Variants in FBN1 observed in about 807,000 individuals in gnomAD.
FBN1 encodes fibrillin-1.
FBN1 carries 29 observed loss-of-function variants against 365.1 expected under a neutral mutation model. The ratio of observed to expected loss-of-function variants is 0.08; its 90% confidence interval spans 0.06 to 0.11. The LOEUF (loss-of-function observed/expected upper bound fraction) is 0.11, where lower values mean the gene tolerates loss of function less well. FBN1 is among the 10% of genes least tolerant of loss of function. The pLI is 1.00. For missense variants in FBN1, 2,476 were observed against 3,703.2 expected (o/e 0.67, Z 8.60); for synonymous variants, 1,210 against 1,270.5 (o/e 0.95, Z 1.01).
At chr15:48,435,036 ATC>A (rs2043055291) in intron 53 of FBN1, among the ~76,000 whole-genome samples, 1 of 152,172 alleles carries the variant, frequency 6.6e-6, no homozygotes, top group Admixed American at 6.5e-5. Context: ...ACCTCAAGCA[ATC>A]TGCCCACCTC....
intron 50 of FBN1, among the ~76,000 whole-genome samples, chr15:48,438,651 T>A (rs2043090877): frequency 6.9e-6 from 1 of 145,138 alleles, no homozygotes; most frequent in Non-Finnish European, 1.5e-5. Flanking sequence ...AGGGCAGGGC[T>A]GTGGGTGGGT....
rs28435676 is a variant in FBN1 at position 48,528,475 on chromosome 15, T to C, written c.863-2220A>G. ...GACTGTGGGCCTGATTCTATACCTC[T>C]GGTGCCCAGGTACGCCTCTTGCATT... On this transcript the variant is annotated intron_variant, in intron 8 of 65. Transcript: ENST00000316623. Among the ~76,000 whole-genome samples the C allele has an allele frequency of 0.024, 3,651 of 152,332 alleles. 232 individuals carry two copies. The East Asian group carries it at 0.24, about 10-fold the overall frequency.
chr15:48,640,907 TG>T (rs1890186220), intron 2 of FBN1: 1 of 152,178 alleles, frequency 6.6e-6, no homozygotes, highest in African/African-American at 2.4e-5. Context: ...TTTTTTTTTT[TG>T]GACTGTCTCC....
At chr15:48,486,859 G>A (rs2043511305) in intron 29 of FBN1, among the ~76,000 whole-genome samples, 1 of 152,172 alleles carries the variant, frequency 6.6e-6, no homozygotes, top group South Asian at 2.1e-4. Context: ...TCTTTAAACA[G>A]ATAATGGAGA....
chr15:48,494,219 C>T lies in FBN1; in HGVS notation c.2713G>A (p.Gly905Arg), dbSNP rs756111066. The change falls in exon 23 of 66, where the codon GGA becomes AGA. Residue 905 changes from glycine (G) to arginine (R), a missense_variant. By Grantham distance (125) the Gly-to-Arg change is moderately radical. Around this residue, in one of 5 missense-constraint regions of FBN1, gnomAD observed 1,780 missense variants for 2,840.8 expected, o/e 0.63. Transcript: ENST00000316623. ...ICGKGYSRIK[G>R]TQCEDIDECE... ...TCAGAAATACCTTCACATTGTGTTC[C>T]TTTAATTCTTGAGTACCCTTTACCA... is the stretch of plus-strand genomic sequence containing the variant. 6 of 1,612,452 alleles carry T rather than the reference C, an allele frequency of 3.7e-6. No individual in the cohort carries two copies. The highest frequency in any genetic ancestry group is 5.1e-6 in the Non-Finnish European group (6 of 1,178,852).
At chr15:48,529,889 A>C (rs1398365573) in intron 8 of FBN1, among the ~76,000 whole-genome samples, 1 of 148,742 alleles carries the variant, frequency 6.7e-6, no homozygotes. Flanking sequence ...TGGAGTCTGA[A>C]TTCTTATCCA....
chr15:48,514,421 T>A (rs62011400), intron 12 of FBN1, among the ~76,000 whole-genome samples: 5 of 152,196 alleles, frequency 3.3e-5, no homozygotes, highest in Non-Finnish European at 5.9e-5. Context: ...ATCAGGAAAT[T>A]AAATAGTTTG....
At chr15:48,626,933 A>G (rs1379517072) in intron 2 of FBN1, among the ~76,000 whole-genome samples, 2 of 152,208 alleles carry the variant, frequency 1.3e-5, no homozygotes, top group Non-Finnish European at 2.9e-5. Context: ...AAACCCTATC[A>G]AGAAAATGTA....
intron 6 of FBN1, among the ~76,000 whole-genome samples, chr15:48,539,505 T>G (rs2141360591): frequency 6.6e-6 from 1 of 152,334 alleles, no homozygotes; most frequent in Admixed American, 6.5e-5. Context: ...ATATTAATTT[T>G]AATGTGTATT....
chr15:48,490,076 T>C lies in FBN1; in HGVS notation c.2857A>G (p.Ile953Val). Residue 953 changes from isoleucine to valine, a missense_variant and splice_region_variant, in exon 25 of 66, where the codon ATC becomes GTC. Physicochemically the swap from Ile to Val is conservative, Grantham distance 29 (BLOSUM62 3). This residue lies in a region of FBN1 where 1,780 missense variants were observed against 2,840.8 expected (regional missense o/e 0.63). Coordinates refer to ENST00000316623, the MANE Select transcript of FBN1 (RefSeq NM_000138.5). ...CTCAGGAAGCAGGTTTCCAGGCGGA[T>C]ATCTGTCAGAGGGAATCAAGGGAGG... ...LDATGRICLD[I>V]RLETCFLRYE... 1 of 1,614,100 alleles carries C rather than the reference T, an allele frequency of 6.2e-7. No homozygotes were observed. The highest frequency in any genetic ancestry group is 8.5e-7 in the Non-Finnish European group (1 of 1,179,978).
In FBN1 at chr15:48,596,425, C is replaced by T. The variant is rs190222439; in HGVS notation, c.443-47G>A. 192 of 1,538,014 alleles carry T rather than the reference C, an allele frequency of 1.2e-4. No individual in the cohort carries two copies. The East Asian group carries it at 4.0e-3, about 32-fold the overall frequency. On this transcript the variant is annotated intron_variant, in intron 5 of 65. Coordinates refer to ENST00000316623, the MANE Select transcript of FBN1 (RefSeq NM_000138.5). ...GAGACGCTTTACCTGAAAATAAATG[C>T]TAATGAAGTAACACTTGTGGTCCTC...
chr15:48,446,592 G>A, intron 47 of FBN1, 114 bp downstream of exon 47: 1 of 761,522 alleles, frequency 1.3e-6, no homozygotes, highest in South Asian at 1.4e-5. Context: ...CAATTGTTAT[G>A]CATAAGATAG....
intron 13 of FBN1, among the ~76,000 whole-genome samples, chr15:48,511,333 T>C (rs183601751): frequency 2.6e-5 from 4 of 152,296 alleles, no homozygotes; most frequent in Admixed American, 2.6e-4. Context: ...TACGATCTTT[T>C]TCTCTCTCGT....
At chr15:48,437,421 A>G (rs765264831) in intron 51 of FBN1, 34 bp from the exon 52 acceptor site, 25 of 1,511,526 alleles carry the variant, frequency 1.7e-5, no homozygotes, top group Middle Eastern at 1.7e-4. Flanking sequence ...AGATAGAACA[A>G]TAGCAATTCA....
At chr15:48,441,625 G>A in intron 50 of FBN1, 96 bp downstream of exon 50, 2 of 1,474,352 alleles carry the variant, frequency 1.4e-6, no homozygotes, top group Non-Finnish European at 1.9e-6. Context: ...CCATCTTCCT[G>A]TTCACAAAGA....
chr15:48,468,246 C>G, intron 37 of FBN1, 144 bp from the exon 38 acceptor site: 1 of 1,338,250 alleles, frequency 7.5e-7, no homozygotes, highest in Non-Finnish European at 1.1e-6. Flanking sequence ...TTATACACTA[C>G]CGAGAATTTT....
chr15:48,636,179 C>T (rs1303491023), intron 2 of FBN1, among the ~76,000 whole-genome samples: 1 of 152,162 alleles, frequency 6.6e-6, no homozygotes, highest in African/African-American at 2.4e-5. Context: ...CGATTCCAGG[C>T]TAAGTTTGAA....
At chr15:48,546,693 C>A (rs1003848490) in intron 6 of FBN1, among the ~76,000 whole-genome samples, 1 of 152,074 alleles carries the variant, frequency 6.6e-6, no homozygotes, top group Non-Finnish European at 1.5e-5. Flanking sequence ...GAAGTGTGCT[C>A]CTTTAAGGGC....
At chr15:48,576,957 T>G (rs2044352694) in intron 6 of FBN1, among the ~76,000 whole-genome samples, 1 of 152,184 alleles carries the variant, frequency 6.6e-6, no homozygotes, top group Non-Finnish European at 1.5e-5. Flanking sequence ...GCACCAAATT[T>G]TATTATTTTT....
Sources: allele counts gnomAD v4.1 joint callset (sites outside exome capture counted in the v4.1 genomes callset), GRCh38; gene constraint gnomAD v4.1.1; regional missense constraint gnomAD v4.1.1; transcripts MANE v1.5; gene names NCBI Gene and HGNC (gene_info 2026-07-23, HGNC 2026-07-21).